MSH3: variants seen among roughly 807,000 people sequenced by gnomAD.
The protein encoded by MSH3 is DNA mismatch repair protein Msh3.
A neutral mutation model predicts 123.3 loss-of-function variants in MSH3; 106 were observed. The observed-to-expected ratio is 0.86, with a 90% CI of 0.73 to 1.01. The LOEUF is 1.01. MSH3 is among the 50% of genes least tolerant of loss of function. The pLI is 0.00. For synonymous variants in MSH3, 515 were observed against 481.4 expected (o/e 1.07, Z -0.91); for missense variants, 1,459 against 1,347.6 (o/e 1.08, Z -1.29).
intron 17 of MSH3, among the ~76,000 whole-genome samples, chr5:80,782,312 G>T (rs958396223): frequency 3.3e-5 from 5 of 151,824 alleles, no homozygotes; most frequent in Non-Finnish European, 7.4e-5. Context: ...AATATTCAAG[G>T]AATGAAAAGG....
intron 10 of MSH3, among the ~76,000 whole-genome samples, chr5:80,738,064 T>TA (rs1324664799): frequency 6.6e-6 from 1 of 152,230 alleles, no homozygotes. Context: ...AACACATTAA[T>TA]ACTTACGTTA....
intron 20 of MSH3, among the ~76,000 whole-genome samples, chr5:80,833,264 A>T (rs1436160100): frequency 1.3e-5 from 2 of 152,080 alleles, no homozygotes; most frequent in Non-Finnish European, 2.9e-5. Context: ...CTTTAAGATG[A>T]AACCTAAAGA....
chr5:80,865,030 A>C lies in MSH3; in HGVS notation c.3130+88A>C, dbSNP rs1399836371. 3.9e-6 allele frequency: 5 copies of C among 1,289,068 alleles called. No homozygotes were observed. In the East Asian group the frequency reaches 1.2e-4, roughly 30 times the overall value. 79.9% of individuals were successfully genotyped at this position (1,289,068 alleles called of 1,614,324 possible). Reference sequence around the variant, plus strand: ...TTGGAACATGAACTTACTGCTTATTAATAATGAAAGCTGTGAATGTGAGCT... The same window carrying C: ...TTGGAACATGAACTTACTGCTTATTCATAATGAAAGCTGTGAATGTGAGCT... On this transcript the variant is annotated intron_variant, in intron 22 of 23. Transcript: ENST00000265081.
chr5:80,838,143 GCAAGTTA>G (rs1745551611), intron 20 of MSH3, among the ~76,000 whole-genome samples: 1 of 152,188 alleles, frequency 6.6e-6, no homozygotes, highest in Admixed American at 6.5e-5. Flanking sequence ...ATGGTTCAAA[GCAAGTTA>G]CAGGTCCCAC....
chr5:80,768,865 CCTTT>C lies in MSH3; in HGVS notation c.2118_2121del (p.Ser707ThrfsTer4). 6.2e-7 allele frequency: 1 copy of C among 1,610,570 alleles called. No individual in the cohort carries two copies. Among genetic ancestry groups the C allele is most frequent in the Non-Finnish European group, 8.5e-7 (1 of 1,177,210 alleles). On this transcript the variant is annotated frameshift_variant, in exon 15 of 24. Coordinates refer to ENST00000265081, the MANE Select transcript of MSH3 (RefSeq NM_002439.5). LOFTEE classifies it high-confidence loss of function. Reference sequence around the variant, plus strand: ...GGGATAAAACTGAATTATTTAAAGACCTTTCTGACTTCCCTTTAATAAAAAAGAG... The same window carrying C: ...GGGATAAAACTGAATTATTTAAAGACCTGACTTCCCTTTAATAAAAAAGAG...
chr5:80,699,371 C>T (rs1311517184), intron 8 of MSH3, among the ~76,000 whole-genome samples: 3 of 151,936 alleles, frequency 2.0e-5, no homozygotes, highest in African/African-American at 4.8e-5. Flanking sequence ...CCAGCCTGGC[C>T]AACATGGTGA....
At position 80,777,895 on chromosome 5, in the gene MSH3, A is replaced by G. The variant is rs887302590; in HGVS notation, c.2319-825A>G. On this transcript the variant is annotated intron_variant, in intron 16 of 23. Coordinates refer to ENST00000265081, the MANE Select transcript of MSH3 (RefSeq NM_002439.5). The stretch of plus-strand genomic sequence containing the variant: ...CGCCACCACCACCACCACCACAACC[A>G]CAATACTTACAGGCGCTCTCCTAAG... 5.3e-5 allele frequency among the ~76,000 whole-genome samples: 8 copies of G among 152,172 alleles called. No homozygotes were observed. In the South Asian group the frequency reaches 8.3e-4, roughly 16 times the overall value.
At chr5:80,733,831 A>G (rs1036860027) in intron 10 of MSH3, among the ~76,000 whole-genome samples, 4 of 152,134 alleles carry the variant, frequency 2.6e-5, no homozygotes, top group Non-Finnish European at 4.4e-5. Flanking sequence ...GTTGGCTGGG[A>G]TGCAGACAAC....
chr5:80,765,427 A>T (rs912009688), intron 13 of MSH3, among the ~76,000 whole-genome samples: 4 of 152,194 alleles, frequency 2.6e-5, no homozygotes, highest in African/African-American at 7.2e-5. Flanking sequence ...AAGTTGCCTC[A>T]TGATACACTT....
chr5:80,703,932 C>T (rs985790624), intron 8 of MSH3, among the ~76,000 whole-genome samples: 1 of 152,096 alleles, frequency 6.6e-6, no homozygotes, highest in African/African-American at 2.4e-5. Context: ...CCAGGAAGCA[C>T]GTGTCTGTGG....
At chr5:80,713,535 C>G (rs1416740973) in intron 8 of MSH3, among the ~76,000 whole-genome samples, 1 of 152,130 alleles carries the variant, frequency 6.6e-6, no homozygotes, top group Non-Finnish European at 1.5e-5. Context: ...ATGCTCCTCT[C>G]CATTCAGGAG....
intron 12 of MSH3, among the ~76,000 whole-genome samples, chr5:80,751,885 C>A (rs1039190517): frequency 6.6e-6 from 1 of 151,948 alleles, no homozygotes; most frequent in Non-Finnish European, 1.5e-5. Flanking sequence ...CTGATTATAC[C>A]CATCTCTTTA....
At chr5:80,797,635 T>C (rs1171658010) in intron 19 of MSH3, among the ~76,000 whole-genome samples, 1 of 152,262 alleles carries the variant, frequency 6.6e-6, no homozygotes, top group African/African-American at 2.4e-5. Context: ...TTGGGTCGTC[T>C]TGAACTGTTT....
chr5:80,734,688 C>T (rs1347028808), intron 10 of MSH3, among the ~76,000 whole-genome samples: 1 of 152,096 alleles, frequency 6.6e-6, no homozygotes, highest in Non-Finnish European at 1.5e-5. Context: ...TAGTTATTTC[C>T]ATGGTCCCAC....
At chr5:80,813,838 T>A in intron 20 of MSH3, 97 bp downstream of exon 20, 1 of 1,309,964 alleles carries the variant, frequency 7.6e-7, no homozygotes, top group Non-Finnish European at 1.1e-6. Flanking sequence ...TAGATGCTCT[T>A]AAAGCACTCA....
At chr5:80,656,902 G>C (rs950877579) in intron 2 of MSH3, among the ~76,000 whole-genome samples, 6 of 152,122 alleles carry the variant, frequency 3.9e-5, no homozygotes, top group African/African-American at 1.4e-4. Context: ...ACTGCTATTG[G>C]TGTTCTGTAT....
At chr5:80,682,963 C>G (rs1750007300) in intron 8 of MSH3, among the ~76,000 whole-genome samples, 1 of 152,138 alleles carries the variant, frequency 6.6e-6, no homozygotes, top group African/African-American at 2.4e-5. Flanking sequence ...CAAAGTTTAT[C>G]TTTCTGTGCC....
rs774186921 is a variant in MSH3 at position 80,672,226 on chromosome 5, T to A, written c.793-18T>A. The A allele has an allele frequency of 2.0e-6, 3 of 1,527,704 alleles. No homozygotes were observed. The highest frequency in any genetic ancestry group is 2.7e-6 in the Non-Finnish European group (3 of 1,102,384). The allele number at this position is 1,527,704 out of a possible 1,614,324, so 94.6% of individuals were successfully genotyped here. A position where few individuals can be genotyped will look rare whatever the true frequency, so the allele number is the denominator to read the frequency against. On this transcript the variant is annotated intron_variant, in intron 4 of 23. Transcript: ENST00000265081. ...TTAAAATATAAATTTATTGATATTT[T>A]CTTTTTTCATTTTTTAGATTGCAGC...
chr5:80,729,882 GCAT>G (rs1344372576), intron 10 of MSH3, among the ~76,000 whole-genome samples: 1 of 152,122 alleles, frequency 6.6e-6, no homozygotes, highest in African/African-American at 2.4e-5. Context: ...GATCCAGGGT[GCAT>G]CAGCTCTGTC....
Sources: allele counts gnomAD v4.1 joint callset (sites outside exome capture counted in the v4.1 genomes callset), GRCh38; gene constraint gnomAD v4.1.1; transcripts MANE v1.5; gene names NCBI Gene and HGNC (gene_info 2026-07-23, HGNC 2026-07-21).